The following ZNF57 variants were observed in gnomAD, a reference collection of about 807,000 sequenced individuals.
The protein encoded by ZNF57 is zinc finger protein 57.
ZNF57 carries 11 observed loss-of-function variants against 13.4 expected under a neutral mutation model. The ratio of observed to expected loss-of-function variants is 0.82; its 90% CI spans 0.52 to 1.36. The LOEUF is 1.36. Among genes scored for constraint, ZNF57 ranks in the 40% most tolerant of loss-of-function variants. ZNF57 has a pLI of 0.00. For synonymous variants in ZNF57, 224 were observed against 238.5 expected, an observed-to-expected ratio of 0.94 and a Z score of 0.56; for missense variants, 696 against 667.5, an observed-to-expected ratio of 1.04 and a Z score of -0.47.
At chr19:2,905,432 G>A (rs981467285) in intron 1 of ZNF57, among the ~76,000 whole-genome samples, 2 of 67,830 alleles carry the variant, frequency 2.9e-5, no homozygotes, top group Admixed American at 3.9e-4. Context: ...GCATTCCAAA[G>A]TATTTGCATT....
chr19:2,914,591 C>G (rs138236928), intron 1 of ZNF57, among the ~76,000 whole-genome samples: 3 of 152,282 alleles, frequency 2.0e-5, no homozygotes, highest in African/African-American at 7.2e-5. Context: ...TCTAATGAAA[C>G]CTTTCAGTTG....
chr19:2,915,919 G>C (rs567423754), intron 2 of ZNF57, among the ~76,000 whole-genome samples, 159 bp from the exon 3 acceptor site: 4 of 152,164 alleles, frequency 2.6e-5, no homozygotes, highest in African/African-American at 9.7e-5. Context: ...GTGGTTCCTT[G>C]TTTGATACCT....
intron 1 of ZNF57, among the ~76,000 whole-genome samples, chr19:2,914,984 A>G (rs1047860875): frequency 2.0e-5 from 3 of 152,154 alleles, no homozygotes; most frequent in Non-Finnish European, 4.4e-5. Context: ...ATAATTTAAG[A>G]AAATAAAGGG....
At chr19:2,906,292 G>C (rs550557528) in intron 1 of ZNF57, among the ~76,000 whole-genome samples, 1 of 152,286 alleles carries the variant, frequency 6.6e-6, no homozygotes, top group African/African-American at 2.4e-5. Context: ...GGGCTCAAGC[G>C]ATCCTCCCGC....
chr19:2,908,529 C>T (rs1342159754), intron 1 of ZNF57, among the ~76,000 whole-genome samples: 2 of 144,678 alleles, frequency 1.4e-5, no homozygotes, highest in African/African-American at 5.1e-5. Flanking sequence ...AGCGCGCACT[C>T]GAAGCTCCGC....
rs763796991 is a variant in ZNF57, at chr19:2,918,218, G to A, written c.1597G>A (p.Glu533Lys). The stretch of plus-strand genomic sequence containing the variant: ...GATGCACACAGGACAGAAATCCCAC[G>A]AATGTCAGTCATACTCAAAAGCCTT... ...LRMHTGQKSHECQSYSKAFSC... is the reference protein window; with the variant it reads ...LRMHTGQKSHKCQSYSKAFSC... Residue 533 changes from glutamate (E) to lysine (K), a missense_variant, in exon 4 of 4, where the codon GAA (glutamate) becomes AAA (lysine). Around this residue, in one of 3 missense-constraint regions of ZNF57, gnomAD observed 645 missense variants for 591.5 expected, o/e 1.09. Coordinates refer to ENST00000306908, the MANE Select transcript of ZNF57 (RefSeq NM_173480.3). 6.2e-6 allele frequency: 10 copies of A among 1,614,114 alleles called. No individual in the cohort carries two copies. The highest frequency in any genetic ancestry group is 2.2e-5 in the East Asian group (1 of 44,892).
chr19:2,901,200 C>A, intron 1 of ZNF57, 152 bp downstream of exon 1: 1 of 957,992 alleles, frequency 1.0e-6, no homozygotes, highest in Non-Finnish European at 1.4e-6. Flanking sequence ...GCCATCACAG[C>A]GGCCGGGCTG....
intron 1 of ZNF57, chr19:2,915,300 A>G: frequency 2.0e-6 from 1 of 496,480 alleles, no homozygotes; most frequent in Non-Finnish European, 3.5e-6. Context: ...GTAGAGGAAA[A>G]TAAGAGCAGT....
intron 1 of ZNF57, among the ~76,000 whole-genome samples, chr19:2,908,693 G>C (rs1438098401): frequency 6.6e-6 from 1 of 151,990 alleles, no homozygotes; most frequent in African/African-American, 2.4e-5. Context: ...GTGAGCCACT[G>C]CGCCCGGCCA....
chr19:2,917,021 T>C lies in ZNF57; in HGVS notation c.400T>C (p.Ser134Pro), dbSNP rs773905200. The change falls in exon 4 of 4, where the codon TCT becomes CCT. Residue 134 changes from serine to proline, a missense_variant. This residue lies in a region of ZNF57 where 645 missense variants were observed against 591.5 expected (regional missense o/e 1.09). Transcript: ENST00000306908. ...AGATCTTACCCTGCACAAGAAAGTT[T>C]CTGCTGGAGAAAAACCATATGAATG... is the stretch of plus-strand genomic sequence containing the variant. ...MPDLTLHKKV[S>P]AGEKPYECTK... is the part of the protein sequence containing the mutation. 8.1e-6 allele frequency: 13 copies of C among 1,614,084 alleles called. No homozygotes were observed. Among genetic ancestry groups the C allele is most frequent in the South Asian group, 1.1e-5 (1 of 91,086 alleles).
chr19:2,915,877 T>C, intron 2 of ZNF57: 1 of 907,282 alleles, frequency 1.1e-6, no homozygotes, highest in South Asian at 1.6e-5. Context: ...TTAGTAGGGG[T>C]ATAGATTTCA....
At chr19:2,908,522 G>T (rs28464159) in intron 1 of ZNF57, among the ~76,000 whole-genome samples, 1 of 140,888 alleles carries the variant, frequency 7.1e-6, no homozygotes, top group Non-Finnish European at 1.5e-5. Flanking sequence ...GTGCAGTAGC[G>T]CGCACTCGAA....
chr19:2,913,491 A>T (rs2088159362), intron 1 of ZNF57, among the ~76,000 whole-genome samples: 3 of 152,088 alleles, frequency 2.0e-5, no homozygotes, highest in African/African-American at 7.2e-5. Context: ...TTGGTATATT[A>T]TGTCTTTATT....
chr19:2,909,853 C>T lies in ZNF57; in HGVS notation c.4-5669C>T, dbSNP rs567530601. Among the ~76,000 whole-genome samples, 66 of 47,878 alleles carry T rather than the reference C, an allele frequency of 1.4e-3. 32 individuals are homozygous for T. The South Asian group carries it at 0.031, about 22-fold the overall frequency. 31.4% of individuals were successfully genotyped at this position (47,878 alleles called of 152,430 possible). On this transcript the variant is annotated intron_variant, in intron 1 of 3. Coordinates refer to ENST00000306908, the MANE Select transcript of ZNF57 (RefSeq NM_173480.3). ...TATTTGTACATGCTTTACTCTACAT[C>T]GCACTCTCCTGATGACTACAGCTCT...
chr19:2,912,620 A>C (rs1231321506), intron 1 of ZNF57, among the ~76,000 whole-genome samples: 2 of 152,204 alleles, frequency 1.3e-5, no homozygotes, highest in African/African-American at 4.8e-5. Context: ...GAGCTTGTTG[A>C]GGTTTCAGTT....
Position 2,916,981 on chromosome 19 carries a change from C to T in ZNF57, c.360C>T (p.Ala120=). The T allele has an allele frequency of 6.2e-7, 1 of 1,613,018 alleles. No individual in the cohort carries two copies. Among genetic ancestry groups the T allele is most frequent in the Non-Finnish European group, 8.5e-7 (1 of 1,179,582 alleles). Residue 120 remains alanine (A), a synonymous_variant, in exon 4 of 4, where the codon GCC becomes GCT. Transcript: ENST00000306908. ...THNEGNQYGE[A]IHQMPDLTLH... ...ATGAAGGTAATCAATATGGAGAAGC[C>T]ATCCATCAAATGCCAGATCTTACCC... is the stretch of plus-strand genomic sequence containing the variant.
intron 1 of ZNF57, among the ~76,000 whole-genome samples, chr19:2,902,360 A>G (rs2088037654): frequency 6.6e-6 from 1 of 152,054 alleles, no homozygotes; most frequent in Non-Finnish European, 1.5e-5. Context: ...CCTTAGTGAC[A>G]ATAGGAAAAT....
intron 1 of ZNF57, among the ~76,000 whole-genome samples, chr19:2,908,421 C>G (rs1599598150): frequency 1.3e-5 from 2 of 148,770 alleles, no homozygotes; most frequent in South Asian, 4.2e-4. Flanking sequence ...AACGTACAGC[C>G]ATTTAACGTG....
intron 1 of ZNF57, among the ~76,000 whole-genome samples, chr19:2,911,438 C>T (rs991559557): frequency 1.3e-5 from 2 of 151,330 alleles, no homozygotes; most frequent in Admixed American, 6.6e-5. Flanking sequence ...GAGGCTGATG[C>T]GGGAGAATCT....
Sources: gnomAD v4.1 joint callset for allele counts (sites outside exome capture counted in the v4.1 genomes callset) on GRCh38, gnomAD v4.1.1 for gene constraint, gnomAD v4.1.1 regional missense constraint, MANE v1.5 for transcripts, NCBI Gene and HGNC (gene_info 2026-07-23, HGNC 2026-07-21) for gene names.